RTN4IP1: variants seen among roughly 807,000 people sequenced by gnomAD.
The protein encoded by RTN4IP1 is NAD(P)H oxidoreductase RTN4IP1, mitochondrial.
In RTN4IP1, 32 loss-of-function variants were observed where a neutral mutation model predicts 46.6. The ratio of observed to expected loss-of-function variants is 0.69; its 90% CI spans 0.52 to 0.92. RTN4IP1 has a LOEUF of 0.92. RTN4IP1 is among the 40% of genes least tolerant of loss of function. The pLI is 0.00. For missense variants in RTN4IP1, 424 were observed against 485.8 expected (o/e 0.87, Z 1.20); for synonymous variants, 167 against 161.8 (o/e 1.03, Z -0.24).
At chr6:106,579,234 C>CA (rs756707350) in intron 8 of RTN4IP1, among the ~76,000 whole-genome samples, 128 of 121,582 alleles carry the variant, frequency 1.1e-3, no homozygotes, top group Middle Eastern at 4.1e-3. Flanking sequence ...GACTACATCT[C>CA]AAAAAAAAAA....
intron 5 of RTN4IP1, among the ~76,000 whole-genome samples, chr6:106,592,957 C>A (rs1244757009): frequency 1.3e-5 from 2 of 150,726 alleles, no homozygotes; most frequent in African/African-American, 4.9e-5. Flanking sequence ...AAATTTAGCA[C>A]TTTCAAGGAT....
chr6:106,571,954 C>T lies in RTN4IP1; in HGVS notation c.*42G>A. The T allele has an allele frequency of 6.7e-7, 1 of 1,495,522 alleles. No homozygotes were observed. Among genetic ancestry groups the T allele is most frequent in the African/African-American group, 1.4e-5 (1 of 72,168 alleles). The allele number at this position is 1,495,522 out of a possible 1,614,324, so 92.6% of individuals were successfully genotyped here. A position where few individuals can be genotyped will look rare whatever the true frequency, so the allele number is the denominator to read the frequency against. ...AAAAAAATTTGGGCTCACAGGCACT[C>T]ACCAAATAAGAACGTCAACAATCAC... On this transcript the variant is annotated 3_prime_UTR_variant, in exon 9 of 9. Transcript: ENST00000369063.
At chr6:106,626,853 C>G (rs779475268) in intron 1 of RTN4IP1, among the ~76,000 whole-genome samples, 2 of 152,198 alleles carry the variant, frequency 1.3e-5, no homozygotes, top group Non-Finnish European at 2.9e-5. Context: ...TCTAAAGACA[C>G]CAAACTTTGT....
chr6:106,624,445 G>A (rs1776579131), intron 1 of RTN4IP1, among the ~76,000 whole-genome samples: 1 of 151,852 alleles, frequency 6.6e-6, no homozygotes, highest in Non-Finnish European at 1.5e-5. Flanking sequence ...CACTTCCTGG[G>A]TTCAAGCCAT....
intron 8 of RTN4IP1, among the ~76,000 whole-genome samples, chr6:106,581,631 T>G (rs1775373094): frequency 6.6e-6 from 1 of 152,220 alleles, no homozygotes; most frequent in Non-Finnish European, 1.5e-5. Context: ...ACAAGGCACA[T>G]TTGCTCACTC....
At chr6:106,585,002 T>C (rs969082871) in intron 7 of RTN4IP1, among the ~76,000 whole-genome samples, 1 of 152,274 alleles carries the variant, frequency 6.6e-6, no homozygotes, top group Admixed American at 6.5e-5. Context: ...GCCCTCAGCA[T>C]AGCCAGGCAA....
chr6:106,611,387 G>A (rs530550316), intron 4 of RTN4IP1, among the ~76,000 whole-genome samples: 14 of 152,248 alleles, frequency 9.2e-5, no homozygotes, highest in African/African-American at 3.4e-4. Flanking sequence ...AGTGAAAAAA[G>A]CCACATTATA....
intron 4 of RTN4IP1, among the ~76,000 whole-genome samples, chr6:106,603,193 G>C (rs976324084): frequency 1.3e-5 from 2 of 152,180 alleles, no homozygotes; most frequent in African/African-American, 4.8e-5. Flanking sequence ...AGATAGCTCA[G>C]ATGGTCCTTT....
chr6:106,583,018 G>A (rs2114628262), intron 8 of RTN4IP1, among the ~76,000 whole-genome samples: 1 of 152,234 alleles, frequency 6.6e-6, no homozygotes, highest in South Asian at 2.1e-4. Context: ...GATCACAGCT[G>A]TGCTATGACC....
chr6:106,572,168 G>A, intron 8 of RTN4IP1, 65 bp from the exon 9 acceptor site: 3 of 1,265,302 alleles, frequency 2.4e-6, no homozygotes, highest in Non-Finnish European at 3.5e-6. Context: ...AGATGACATT[G>A]CTAATTAGTT....
At position 106,628,849 on chromosome 6, in the gene RTN4IP1, C is replaced by G; in HGVS notation, c.173G>C (p.Arg58Pro). 1 of 1,614,102 alleles carries G rather than the reference C, an allele frequency of 6.2e-7. No homozygotes were observed. Among genetic ancestry groups the G allele is most frequent in the African/African-American group, 1.3e-5 (1 of 75,034 alleles). ...IDKYGKNEVL[R>P]FTQNMMMPII... Reference sequence around the variant, plus strand: ...AGGCATCATCATGTTCTGAGTGAATCGAAGCACTTCATTCTTCCCATATTT... The same window carrying G: ...AGGCATCATCATGTTCTGAGTGAATGGAAGCACTTCATTCTTCCCATATTT... The change falls in exon 1 of 9, where the codon CGA becomes CCA. Residue 58 changes from arginine to proline, a missense_variant. Coordinates refer to ENST00000369063, the MANE Select transcript of RTN4IP1 (RefSeq NM_032730.5).
chr6:106,592,167 T>C lies in RTN4IP1; in HGVS notation c.803A>G (p.Lys268Arg). ...TGAACATTGTTCTAATACATACGGT[T>C]TTAAGGATTTCAACTGCTCTTCCAC... ...GSVEEQLKSL[K>R]PFDFILDNVG... The change falls in exon 6 of 9, where the codon AAA (lysine) becomes AGA (arginine). Residue 268 changes from lysine to arginine, a missense_variant. Coordinates refer to ENST00000369063, the MANE Select transcript of RTN4IP1 (RefSeq NM_032730.5). 1.9e-6 allele frequency: 3 copies of C among 1,613,932 alleles called. No individual in the cohort carries two copies. Among genetic ancestry groups the C allele is most frequent in the Non-Finnish European group, 2.5e-6 (3 of 1,179,970 alleles).
intron 5 of RTN4IP1, among the ~76,000 whole-genome samples, chr6:106,596,943 G>T (rs1445725845): frequency 2.0e-5 from 3 of 152,136 alleles, no homozygotes; most frequent in Non-Finnish European, 2.9e-5. Flanking sequence ...CTGCCAAAAA[G>T]TCTCATGATA....
chr6:106,592,548 C>T (rs1361468463), intron 5 of RTN4IP1, among the ~76,000 whole-genome samples: 1 of 152,168 alleles, frequency 6.6e-6, no homozygotes, highest in Non-Finnish European at 1.5e-5. Context: ...GACAGCCAGC[C>T]ACCTTATTGT....
At chr6:106,593,581 G>A (rs1775714567) in intron 5 of RTN4IP1, among the ~76,000 whole-genome samples, 1 of 152,136 alleles carries the variant, frequency 6.6e-6, no homozygotes, top group South Asian at 2.1e-4. Context: ...TAGAATACAA[G>A]GGATCTGTGT....
chr6:106,619,397 C>A, intron 3 of RTN4IP1, 71 bp from the exon 4 acceptor site: 2 of 1,560,560 alleles, frequency 1.3e-6, no homozygotes, highest in Admixed American at 3.5e-5. Flanking sequence ...AGCACATTTA[C>A]CTTCACAGGA....
In RTN4IP1 at chr6:106,589,105, A is replaced by C. The variant is rs1041670942; in HGVS notation, c.807-1243T>G. Among the ~76,000 whole-genome samples, 153 of 107,014 alleles carry C rather than the reference A, an allele frequency of 1.4e-3. 2 individuals are homozygous for C. Among genetic ancestry groups the C allele is most frequent in the African/African-American group, 4.5e-3 (147 of 32,608 alleles). The allele number at this position is 107,014 out of a possible 152,430, so 70.2% of individuals were successfully genotyped here. A position where few individuals can be genotyped will look rare whatever the true frequency, so the allele number is the denominator to read the frequency against. On this transcript the variant is annotated intron_variant, in intron 6 of 8. Transcript: ENST00000369063. ...AGCCTGGGCAACAAGAGCGAAACTC[A>C]GAAGAAGAAGAGGAAGAAGAGGAAG... is the stretch of plus-strand genomic sequence containing the variant.
At chr6:106,592,722 G>A (rs964129717) in intron 5 of RTN4IP1, among the ~76,000 whole-genome samples, 1 of 152,084 alleles carries the variant, frequency 6.6e-6, no homozygotes, top group African/African-American at 2.4e-5. Flanking sequence ...TCAGGAGTTC[G>A]AGACCAGCCT....
chr6:106,575,659 G>A (rs555550702), intron 8 of RTN4IP1, among the ~76,000 whole-genome samples: 5 of 152,152 alleles, frequency 3.3e-5, no homozygotes, highest in African/African-American at 4.8e-5. Context: ...CTCAATTCCC[G>A]TTTTCCCAGT....
Sources: allele counts gnomAD v4.1 joint callset (sites outside exome capture counted in the v4.1 genomes callset), GRCh38; gene constraint gnomAD v4.1.1; transcripts MANE v1.5; gene names NCBI Gene and HGNC (gene_info 2026-07-23, HGNC 2026-07-21).